The following SEL1L2 variants were observed in gnomAD, a reference collection of about 807,000 sequenced individuals.
The protein encoded by SEL1L2 is protein sel-1 homolog 2.
Under a neutral mutation model 98.8 loss-of-function variants are expected in SEL1L2, and 89 were observed. The ratio of observed to expected loss-of-function variants is 0.90; its 90% confidence interval spans 0.76 to 1.07. The LOEUF is 1.07. Among genes scored for constraint, SEL1L2 ranks in the 50% least tolerant of loss-of-function variants. The pLI is 0.00. For synonymous variants in SEL1L2, 262 were observed against 278.5 expected, an observed-to-expected ratio of 0.94 and a Z score of 0.59; for missense variants, 788 against 812.0, an observed-to-expected ratio of 0.97 and a Z score of 0.36.
At chr20:13,884,807 G>C (rs756778486) in intron 10 of SEL1L2, among the ~76,000 whole-genome samples, 1 of 152,054 alleles carries the variant, frequency 6.6e-6, no homozygotes, top group Admixed American at 6.5e-5. Context: ...GTACCTGGCC[G>C]GTTAATTAAC....
At chr20:13,991,211 AT>A (rs1181522848), upstream of SEL1L2, among the ~76,000 whole-genome samples, 2 of 152,240 alleles carry the variant, frequency 1.3e-5, no homozygotes, top group Non-Finnish European at 2.9e-5. Context: ...AATATTAAAA[AT>A]ATCCAAGGCA....
chr20:13,866,186 T>A (rs1991005802), intron 15 of SEL1L2, among the ~76,000 whole-genome samples: 1 of 152,136 alleles, frequency 6.6e-6, no homozygotes, highest in Admixed American at 6.5e-5. Context: ...GCAGACGTGT[T>A]TAATAAATCA....
intron 5 of SEL1L2, among the ~76,000 whole-genome samples, chr20:13,891,988 A>T (rs2047224920): frequency 6.6e-6 from 1 of 152,234 alleles, no homozygotes; most frequent in African/African-American, 2.4e-5. Flanking sequence ...TATACAATTT[A>T]AAAGACAAAA....
At chr20:13,906,294 A>G (rs1346221277) in intron 5 of SEL1L2, among the ~76,000 whole-genome samples, 1 of 152,206 alleles carries the variant, frequency 6.6e-6, no homozygotes, top group African/African-American at 2.4e-5. Context: ...CTGTACTTCA[A>G]AGTAAATTAC....
intron 5 of SEL1L2, among the ~76,000 whole-genome samples, chr20:13,894,294 T>C (rs1045449106): frequency 7.9e-5 from 12 of 152,324 alleles, no homozygotes; most frequent in Non-Finnish European, 1.6e-4. Flanking sequence ...GTGCAGTGGC[T>C]CATGCCTGTA....
chr20:13,979,262 A>T (rs1429855991), intron 1 of SEL1L2, among the ~76,000 whole-genome samples: 1 of 152,162 alleles, frequency 6.6e-6, no homozygotes, highest in Non-Finnish European at 1.5e-5. Context: ...GAAGGATGGG[A>T]AGAGAGGAGG....
chr20:13,880,600 T>TCATCCATCCATC (rs35310861), intron 10 of SEL1L2, among the ~76,000 whole-genome samples: 294 of 149,736 alleles, frequency 2.0e-3, no homozygotes, highest in Middle Eastern at 6.9e-3. Context: ...GATCAAGTAC[T>TCATCCATCCATC]CATCCATCCA....
At position 13,857,279 on chromosome 20, in the gene SEL1L2, A is replaced by T. The variant is rs144462066; in HGVS notation, c.1818+1983T>A. ...TTGTGACTGAAAGAGACTGCTCAAA[A>T]TGAACTACCCATGATTTAACAAGAA... On this transcript the variant is annotated intron_variant, in intron 18 of 19. Coordinates refer to ENST00000284951, the MANE Select transcript of SEL1L2 (RefSeq NM_025229.2). 4.2e-3 allele frequency among the ~76,000 whole-genome samples: 643 copies of T among 152,224 alleles called. 2 individuals are homozygous for T. The highest frequency in any genetic ancestry group is 0.014 in the South Asian group (66 of 4,814).
intron 2 of SEL1L2, among the ~76,000 whole-genome samples, chr20:13,939,009 G>GT (rs1407946157): frequency 4.1e-5 from 5 of 121,896 alleles, no homozygotes; most frequent in South Asian, 5.3e-4. Flanking sequence ...AATATAGTGG[G>GT]TTTTTTCTTT....
rs529412099 is a variant in SEL1L2, at chr20:13,983,688, A to G, written c.58+6789T>C. ...AGGCATGCACCACCACGCCCAGCTA[A>G]TTTTGTATTTTTAGTAGAGACGGGG... On this transcript the variant is annotated intron_variant, in intron 1 of 19. Transcript: ENST00000284951. 1.1e-4 allele frequency among the ~76,000 whole-genome samples: 16 copies of G among 151,680 alleles called. No homozygotes were observed. In the East Asian group the frequency reaches 2.9e-3, roughly 28 times the overall value.
chr20:13,980,329 C>T (rs2051750969), intron 1 of SEL1L2, among the ~76,000 whole-genome samples: 1 of 152,172 alleles, frequency 6.6e-6, no homozygotes, highest in Non-Finnish European at 1.5e-5. Context: ...TATTCTCCTG[C>T]CTCAGGCTCC....
intron 3 of SEL1L2, among the ~76,000 whole-genome samples, chr20:13,931,168 C>T (rs978543537): frequency 2.0e-4 from 30 of 151,852 alleles, no homozygotes; most frequent in Non-Finnish European, 3.7e-4. Flanking sequence ...CTCAGCCTCC[C>T]GAGTAGCTGG....
intron 1 of SEL1L2, among the ~76,000 whole-genome samples, chr20:13,973,580 C>T (rs1306333722): frequency 1.3e-5 from 2 of 152,206 alleles, no homozygotes; most frequent in Non-Finnish European, 2.9e-5. Flanking sequence ...CCATGAATAT[C>T]ACTAGCCATT....
intron 8 of SEL1L2, among the ~76,000 whole-genome samples, chr20:13,887,551 A>G (rs2047012433): frequency 6.6e-6 from 1 of 152,226 alleles, no homozygotes; most frequent in Non-Finnish European, 1.5e-5. Context: ...GATACATATT[A>G]ACAAAAATAA....
intron 2 of SEL1L2, among the ~76,000 whole-genome samples, chr20:13,939,665 C>CTTTTTTTTTTTTTTTTTT (rs3042764): frequency 2.2e-5 from 3 of 138,526 alleles, no homozygotes; most frequent in African/African-American, 5.8e-5. Flanking sequence ...CACCCTTATT[C>CTTTTTTTTTTTTTTTTTT]TTTTTTTTTT....
At chr20:13,871,516 C>CTT (rs552967323) in intron 12 of SEL1L2, among the ~76,000 whole-genome samples, 13 of 145,010 alleles carry the variant, frequency 9.0e-5, no homozygotes, top group South Asian at 2.2e-4. Flanking sequence ...ACCTGACTTT[C>CTT]TTTTTTTTTT....
chr20:13,879,374 CAG>C (rs2147930548), intron 10 of SEL1L2, among the ~76,000 whole-genome samples: 2 of 152,138 alleles, frequency 1.3e-5, no homozygotes, highest in African/African-American at 4.8e-5. Flanking sequence ...TTTTTTGAGA[CAG>C]AGTCTTGCTC....
chr20:13,871,462 G>T (rs961739057), intron 12 of SEL1L2, among the ~76,000 whole-genome samples: 2 of 151,596 alleles, frequency 1.3e-5, no homozygotes, highest in Non-Finnish European at 2.9e-5. Context: ...GTCCTATCAC[G>T]CATTTCACCC....
At chr20:13,975,760 G>T (rs1381673354) in intron 1 of SEL1L2, among the ~76,000 whole-genome samples, 2 of 152,154 alleles carry the variant, frequency 1.3e-5, no homozygotes, top group African/African-American at 4.8e-5. Context: ...ATCTGCTAAG[G>T]GAGTTAAAAA....
Sources: gnomAD v4.1 joint callset for allele counts (sites outside exome capture counted in the v4.1 genomes callset) on GRCh38, gnomAD v4.1.1 for gene constraint, MANE v1.5 for transcripts, NCBI Gene and HGNC (gene_info 2026-07-23, HGNC 2026-07-21) for gene names.